The following CNOT4 variants were observed in gnomAD, a reference collection of about 807,000 sequenced individuals.
CNOT4 encodes the protein CCR4-associated factor 4.
A neutral mutation model predicts 73.8 loss-of-function variants in CNOT4; 8 were observed. That is an observed-to-expected ratio of 0.11 (90% CI 0.06 to 0.20). The LOEUF (loss-of-function observed/expected upper bound fraction) is 0.20, where lower values mean the gene tolerates loss of function less well. Among genes scored for constraint, CNOT4 ranks in the 10% least tolerant of loss-of-function variants. The pLI, the probability that CNOT4 is intolerant of heterozygous loss-of-function variation, is 1.00. For missense variants in CNOT4, 564 were observed against 883.4 expected (o/e 0.64, Z 4.58); for synonymous variants, 293 against 321.1 (o/e 0.91, Z 0.94).
intron 5 of CNOT4, 126 bp downstream of exon 5, chr7:135,414,205 A>T: frequency 2.0e-6 from 1 of 490,152 alleles, no homozygotes; most frequent in Non-Finnish European, 3.6e-6. Context: ...GATGGTATGG[A>T]CCCTAAGACA....
chr7:135,426,628 AAAG>A (rs1798519700), intron 2 of CNOT4, among the ~76,000 whole-genome samples: 1 of 151,074 alleles, frequency 6.6e-6, no homozygotes, highest in Non-Finnish European at 1.5e-5. Context: ...AGAAAGAAAG[AAAG>A]AAAAATACAG....
At chr7:135,499,199 T>G (rs1803798851) in intron 1 of CNOT4, among the ~76,000 whole-genome samples, 1 of 152,060 alleles carries the variant, frequency 6.6e-6, no homozygotes, top group African/African-American at 2.4e-5. Flanking sequence ...GACGGAGAGA[T>G]TAAAACAAAC....
intron 1 of CNOT4, among the ~76,000 whole-genome samples, chr7:135,445,090 G>A (rs1799739231): frequency 6.6e-6 from 1 of 152,186 alleles, no homozygotes; most frequent in Non-Finnish European, 1.5e-5. Context: ...TAATCTTTGA[G>A]GAAAAGGTTT....
At chr7:135,371,168 G>C (rs906578390) in intron 10 of CNOT4, among the ~76,000 whole-genome samples, 8 of 152,194 alleles carry the variant, frequency 5.3e-5, no homozygotes, top group Non-Finnish European at 1.0e-4. Flanking sequence ...AGTAGGCACT[G>C]TAGTTTAAAG....
chr7:135,393,990 A>C lies in CNOT4; in HGVS notation c.1555T>G (p.Ser519Ala), dbSNP rs1563022260. The C allele has an allele frequency of 1.9e-6, 3 of 1,613,948 alleles. No individual in the cohort carries two copies. Among genetic ancestry groups the C allele is most frequent in the Non-Finnish European group, 1.7e-6 (2 of 1,179,862 alleles). Residue 519 changes from serine to alanine, a missense_variant, in exon 10 of 12, where the codon TCA becomes GCA. By Grantham distance (99) the Ser-to-Ala change is moderately conservative. Around this residue, in one of 10 missense-constraint regions of CNOT4, gnomAD observed 153 missense variants for 158.7 expected, o/e 0.96. Coordinates refer to ENST00000541284, the MANE Select transcript of CNOT4 (RefSeq NM_001190850.2). ...MHLNHTANPT[S>A]NSNFLDLNLP... ...TTCAAGTCCAAGAAATTACTATTTGAGGTGGGGTTTGCTGTGTGGTTCAAG... is the reference window on the plus strand; with the variant it reads ...TTCAAGTCCAAGAAATTACTATTTGCGGTGGGGTTTGCTGTGTGGTTCAAG...
rs1419291095 is a variant in CNOT4 at position 135,504,478 on chromosome 7, T to TA, written c.-93+5410_-93+5411insT. ...ATCCGGCTAATTTTTTTTTTTTTTT[T>TA]TTTTTTTTTTTATTTTTATTTTTTT... On this transcript the variant is annotated intron_variant, in intron 1 of 11. Transcript: ENST00000541284. Among the ~76,000 whole-genome samples, 190 of 71,444 alleles carry TA rather than the reference T, an allele frequency of 2.7e-3. 14 individuals carry two copies. The highest frequency in any genetic ancestry group is 4.7e-3 in the Non-Finnish European group (162 of 34,816). 46.9% of individuals were successfully genotyped at this position (71,444 alleles called of 152,430 possible).
chr7:135,479,367 CCCAG>C (rs1236699495), intron 1 of CNOT4, among the ~76,000 whole-genome samples: 1 of 151,268 alleles, frequency 6.6e-6, no homozygotes, highest in African/African-American at 2.4e-5. Context: ...CACCACCATG[CCCAG>C]CTAATTTTTG....
At chr7:135,419,548 T>G (rs938445490) in intron 3 of CNOT4, among the ~76,000 whole-genome samples, 2 of 152,172 alleles carry the variant, frequency 1.3e-5, no homozygotes, top group Non-Finnish European at 2.9e-5. Flanking sequence ...AGCACCCATT[T>G]ATTTTATTTA....
chr7:135,432,237 T>C (rs749314983), intron 2 of CNOT4, among the ~76,000 whole-genome samples: 2 of 152,008 alleles, frequency 1.3e-5, no homozygotes, highest in Non-Finnish European at 2.9e-5. Context: ...TCAAAACCAA[T>C]CAAGAGTGAA....
chr7:135,484,535 C>T (rs1456490862), intron 1 of CNOT4, among the ~76,000 whole-genome samples: 1 of 152,056 alleles, frequency 6.6e-6, no homozygotes, highest in East Asian at 1.9e-4. Context: ...TCGGGCAGAT[C>T]ACTTGAGACC....
rs1025991827 is a variant in CNOT4 at position 135,453,525 on chromosome 7, G to T, written c.-92-15102C>A. ...TTCATGGAAAGCATTGATTCATATG[G>T]AAGTCCAACCTTTCAGTGTTTTGGG... is the stretch of plus-strand genomic sequence containing the variant. On this transcript the variant is annotated intron_variant, in intron 1 of 11. Coordinates refer to ENST00000541284, the MANE Select transcript of CNOT4 (RefSeq NM_001190850.2). Among the ~76,000 whole-genome samples the T allele has an allele frequency of 5.3e-5, 8 of 151,776 alleles. No individual in the cohort carries two copies. In the Admixed American group the frequency reaches 5.3e-4, roughly 10 times the overall value.
At position 135,492,470 on chromosome 7, in the gene CNOT4, G is replaced by T. The variant is rs967876157; in HGVS notation, c.-93+17419C>A. ...AAGGAAGGAAGAAAGGAAATCAACGGGGCAAGGTACAGTGAAAAGGCAATA... is the reference window on the plus strand; with the variant it reads ...AAGGAAGGAAGAAAGGAAATCAACGTGGCAAGGTACAGTGAAAAGGCAATA... On this transcript the variant is annotated intron_variant, in intron 1 of 11. Transcript: ENST00000541284. Among the ~76,000 whole-genome samples the T allele has an allele frequency of 2.6e-5, 4 of 152,278 alleles. No individual in the cohort carries two copies. The East Asian group carries it at 5.8e-4, about 22-fold the overall frequency.
chr7:135,367,064 G>A (rs1794956557), intron 10 of CNOT4, among the ~76,000 whole-genome samples: 1 of 152,100 alleles, frequency 6.6e-6, no homozygotes, highest in Non-Finnish European at 1.5e-5. Flanking sequence ...CACTGTGGGA[G>A]GTTTAGCAGC....
At chr7:135,446,209 T>C (rs1169162425) in intron 1 of CNOT4, among the ~76,000 whole-genome samples, 1 of 151,986 alleles carries the variant, frequency 6.6e-6, no homozygotes, top group Non-Finnish European at 1.5e-5. Flanking sequence ...GTATCTAGAA[T>C]AGACAAATTC....
intron 7 of CNOT4, among the ~76,000 whole-genome samples, chr7:135,403,374 G>A (rs1797102524): frequency 6.6e-6 from 1 of 152,128 alleles, no homozygotes; most frequent in African/African-American, 2.4e-5. Context: ...AATATACTTT[G>A]ACACAGGCTT....
At chr7:135,392,274 T>C (rs943348664) in intron 10 of CNOT4, among the ~76,000 whole-genome samples, 1 of 152,140 alleles carries the variant, frequency 6.6e-6, no homozygotes, top group African/African-American at 2.4e-5. Context: ...ACTTTAAGTA[T>C]GTGGAAATTT....
rs551888810 is a variant in CNOT4, at chr7:135,362,806, G to T, written c.*79C>A. ...TCTTCAGAACATAAGAGATGAGAAG[G>T]GAGCTGTGGGTGGTGGGCTGAGAGG... On this transcript the variant is annotated 3_prime_UTR_variant, in exon 12 of 12. Transcript: ENST00000541284. 16 of 1,268,162 alleles carry T rather than the reference G, an allele frequency of 1.3e-5. No homozygotes were observed. Among genetic ancestry groups the T allele is most frequent in the Non-Finnish European group, 1.7e-5 (15 of 864,906 alleles). The allele number at this position is 1,268,162 out of a possible 1,614,324, so 78.6% of individuals were successfully genotyped here.
At chr7:135,391,889 A>G (rs985467055) in intron 10 of CNOT4, among the ~76,000 whole-genome samples, 6 of 152,074 alleles carry the variant, frequency 3.9e-5, no homozygotes, top group Admixed American at 6.6e-5. Flanking sequence ...CTAGAATCCC[A>G]TAAAGGCATC....
intron 2 of CNOT4, among the ~76,000 whole-genome samples, chr7:135,431,705 T>C (rs1356812606): frequency 1.3e-5 from 2 of 151,312 alleles, no homozygotes; most frequent in South Asian, 2.1e-4. Context: ...ATCACACCAC[T>C]GCACTCCAGC....
Sources: allele counts gnomAD v4.1 joint callset (sites outside exome capture counted in the v4.1 genomes callset), GRCh38; gene constraint gnomAD v4.1.1; regional missense constraint gnomAD v4.1.1; transcripts MANE v1.5; gene names NCBI Gene and HGNC (gene_info 2026-07-23, HGNC 2026-07-21).